The following PIGN variants were observed in gnomAD, a reference collection of about 807,000 sequenced individuals.
The protein encoded by PIGN is GPI ethanolamine phosphate transferase 1.
In PIGN, 117 loss-of-function variants were observed where a neutral mutation model predicts 125.4. The observed-to-expected ratio is 0.93, with a 90% CI of 0.80 to 1.09. The LOEUF (loss-of-function observed/expected upper bound fraction) is 1.09. PIGN is among the 50% of genes least tolerant of loss of function. The probability of loss-of-function intolerance (pLI) is 0.00; values close to 1 mark genes in which losing one functional copy is unlikely to be tolerated. For missense variants in PIGN, 1,075 were observed against 1,094.9 expected, an observed-to-expected ratio of 0.98 and a Z score of 0.26; for synonymous variants, 392 against 377.8, an observed-to-expected ratio of 1.04 and a Z score of -0.44.
chr18:62,052,938 A>G (rs1156613744), intron 30 of PIGN: 3 of 388,436 alleles, frequency 7.7e-6, no homozygotes, highest in Non-Finnish European at 9.1e-6. Flanking sequence ...TCTGTATTTT[A>G]TTTCTCTGAA....
In PIGN at chr18:62,082,823, T is replaced by A. The variant is rs2033513342; in HGVS notation, c.2503-77A>T. The A allele has an allele frequency of 5.2e-6, 4 of 766,480 alleles. No homozygotes were observed. In the South Asian group the frequency reaches 6.7e-5, roughly 13 times the overall value. The allele number at this position is 766,480 out of a possible 1,614,324, so 47.5% of individuals were successfully genotyped here. On this transcript the variant is annotated intron_variant, in intron 27 of 30. Coordinates refer to ENST00000640252, the MANE Select transcript of PIGN (RefSeq NM_176787.5). ...TTTTTGAAAAAAATACTATTTCTGC[T>A]TACAGAAATATTTTCAATTTCTCAA...
At chr18:62,024,824 T>C (rs1390193201) in intron 23 of PIGN, among the ~76,000 whole-genome samples, 2 of 152,178 alleles carry the variant, frequency 1.3e-5, no homozygotes, top group Non-Finnish European at 2.9e-5. Context: ...CTGGTTTCTC[T>C]ATAAAACAAA....
Position 62,041,248 on chromosome 18 carries a change from G to C in PIGN, c.*4608C>G, listed in dbSNP as rs762634437. ...CTTAGTCTATACTCTAGCAGGGCTA[G>C]ACAATGAGCCATGATGAACCGAATG... On this transcript the variant is annotated 3_prime_UTR_variant, in exon 31 of 31. Transcript: ENST00000640252. 9 of 152,154 alleles carry C rather than the reference G, an allele frequency of 5.9e-5. No individual in the cohort carries two copies. Among genetic ancestry groups the C allele is most frequent in the Non-Finnish European group, 1.0e-4 (7 of 68,030 alleles). 9.4% of individuals were successfully genotyped at this position (152,154 alleles called of 1,614,324 possible).
At chr18:62,051,379 G>T (rs1224283251) in intron 30 of PIGN, among the ~76,000 whole-genome samples, 1 of 152,122 alleles carries the variant, frequency 6.6e-6, no homozygotes, top group Non-Finnish European at 1.5e-5. Flanking sequence ...CAATTTCAGA[G>T]CCTGTTATTG....
intron 1 of PIGN, among the ~76,000 whole-genome samples, chr18:62,179,205 A>C (rs1209893102): frequency 6.6e-6 from 1 of 152,196 alleles, no homozygotes; most frequent in East Asian, 1.9e-4. Flanking sequence ...TGTTAATATA[A>C]AACTTGACCA....
At chr18:62,063,560 T>G (rs1169749423) in intron 30 of PIGN, among the ~76,000 whole-genome samples, 3 of 151,158 alleles carry the variant, frequency 2.0e-5, no homozygotes, top group Non-Finnish European at 3.0e-5. Flanking sequence ...GCTTTTTACC[T>G]CTATGGCTTT....
chr18:62,165,088 G>T (rs2037084438), intron 1 of PIGN, among the ~76,000 whole-genome samples: 4 of 152,156 alleles, frequency 2.6e-5, no homozygotes, highest in Admixed American at 2.6e-4. Context: ...ATGGCTTGGT[G>T]CTATTCTCAC....
At chr18:62,163,409 T>A (rs1599667475) in intron 2 of PIGN, 122 bp downstream of exon 2, 1 of 152,202 alleles carries the variant, frequency 6.6e-6, no homozygotes, top group East Asian at 1.9e-4. Flanking sequence ...TTAGTTACCT[T>A]TGTGGCACAT....
intron 14 of PIGN, among the ~76,000 whole-genome samples, chr18:62,121,610 A>G (rs1294822194): frequency 6.6e-6 from 1 of 152,140 alleles, no homozygotes; most frequent in Non-Finnish European, 1.5e-5. Context: ...ATGAGTGAGA[A>G]CATGTAAAAT....
At chr18:62,118,241 A>G (rs1315573098) in intron 14 of PIGN, among the ~76,000 whole-genome samples, 1 of 152,184 alleles carries the variant, frequency 6.6e-6, no homozygotes, top group African/African-American at 2.4e-5. Flanking sequence ...TTGTTTGTAT[A>G]AATTTTATTG....
intron 23 of PIGN, among the ~76,000 whole-genome samples, chr18:62,034,137 C>T (rs181619928): frequency 6.6e-6 from 1 of 152,308 alleles, no homozygotes; most frequent in Non-Finnish European, 1.5e-5. Context: ...TTGAAAGAGG[C>T]AGGGCTCTAG....
intron 11 of PIGN, among the ~76,000 whole-genome samples, chr18:62,141,314 A>G (rs1395456585): frequency 6.6e-6 from 1 of 152,232 alleles, no homozygotes; most frequent in Non-Finnish European, 1.5e-5. Flanking sequence ...TAAATGAGAT[A>G]AAACTTATAA....
intron 21 of PIGN, 39 bp from the exon 22 acceptor site, chr18:62,101,222 T>A (rs757961243): frequency 8.5e-7 from 1 of 1,182,138 alleles, no homozygotes; most frequent in Non-Finnish European, 1.3e-6. Flanking sequence ...AAAGAGAAGG[T>A]AGTGAAAGAC....
At position 62,045,936 on chromosome 18, in the gene PIGN, C is replaced by A. The variant is rs1390506605; in HGVS notation, c.2716G>T (p.Val906Leu). The A allele has an allele frequency of 6.2e-7, 1 of 1,613,364 alleles. No homozygotes were observed. Among genetic ancestry groups the A allele is most frequent in the Non-Finnish European group, 8.5e-7 (1 of 1,179,608 alleles). Residue 906 changes from valine (V) to leucine (L), a missense_variant, in exon 31 of 31, where the codon GTG (valine) becomes TTG (leucine). Val to Leu is a conservative substitution (Grantham distance 32, BLOSUM62 1). Coordinates refer to ENST00000640252, the MANE Select transcript of PIGN (RefSeq NM_176787.5). ...VIVMSMTIFL[V>L]FLNGLAQLLT... ...AGCTGGGCCAGGCCATTGAGGAACA[C>A]CAAAAAGATGGTCATGGACATGACA...
At chr18:62,039,390 A>G (rs1375496501), downstream of PIGN, among the ~76,000 whole-genome samples, 1 of 152,052 alleles carries the variant, frequency 6.6e-6, no homozygotes, top group African/African-American at 2.4e-5. Flanking sequence ...TATTAACTAC[A>G]TTCCATACTT....
chr18:62,138,397 C>G (rs544878401), intron 13 of PIGN, 99 bp from the exon 14 acceptor site: 60 of 1,402,026 alleles, frequency 4.3e-5, no homozygotes, highest in Non-Finnish European at 5.2e-5. Context: ...GATGGTTAAC[C>G]ACTTTGAAAA....
rs17069423 is a variant in PIGN at position 62,082,539 on chromosome 18, A to G, written c.2576+134T>C. The G allele has an allele frequency of 0.014, 6,933 of 511,248 alleles. 163 individuals are homozygous for G. Among genetic ancestry groups the G allele is most frequent in the Middle Eastern group, 0.055 (105 of 1,916 alleles). 31.7% of individuals were successfully genotyped at this position (511,248 alleles called of 1,614,324 possible). On this transcript the variant is annotated intron_variant, in intron 28 of 30. Coordinates refer to ENST00000640252, the MANE Select transcript of PIGN (RefSeq NM_176787.5). ...CAAGCAACACTGACTAAACGGGTGA[A>G]AATTTTCTCATTTTTGTAATAAACA...
intron 1 of PIGN, among the ~76,000 whole-genome samples, chr18:62,177,066 C>A (rs775076985): frequency 3.3e-5 from 5 of 151,986 alleles, no homozygotes; most frequent in African/African-American, 4.8e-5. Context: ...TTTCAGGTAA[C>A]CTTTGTTCTT....
intron 30 of PIGN, chr18:62,052,378 T>C (rs200379732): frequency 6.6e-6 from 1 of 150,942 alleles, no homozygotes; most frequent in East Asian, 1.9e-4. Flanking sequence ...TTATGAATCT[T>C]GGTGCTCCTG....
Sources: allele counts gnomAD v4.1 joint callset (sites outside exome capture counted in the v4.1 genomes callset), GRCh38; gene constraint gnomAD v4.1.1; transcripts MANE v1.5; gene names NCBI Gene and HGNC (gene_info 2026-07-23, HGNC 2026-07-21).